The following BCKDHB variants were observed in gnomAD, a reference collection of about 807,000 sequenced individuals.
The protein encoded by BCKDHB is 2-oxoisovalerate dehydrogenase subunit beta, mitochondrial.
In BCKDHB, 41 loss-of-function variants were observed where a neutral mutation model predicts 48.5. That is an observed-to-expected ratio of 0.85 (90% CI 0.66 to 1.10). The LOEUF (loss-of-function observed/expected upper bound fraction) is 1.10, where lower values mean the gene tolerates loss of function less well. Among genes scored for constraint, BCKDHB ranks in the 50% least tolerant of loss-of-function variants. The pLI, the probability that BCKDHB is intolerant of heterozygous loss-of-function variation, is 0.00. For missense variants in BCKDHB, 496 were observed against 494.2 expected (o/e 1.00, Z -0.03); for synonymous variants, 201 against 174.8 (o/e 1.15, Z -1.18).
the BCKDHB span, among the ~76,000 whole-genome samples, chr6:80,403,297 T>C: frequency 6.6e-6 from 1 of 151,850 alleles, no homozygotes; most frequent in Non-Finnish European, 1.5e-5. Context: ...TTTTTCAGCA[T>C]ACAGATCTTA....
chr6:80,311,718 C>G (rs1466276502), intron 9 of BCKDHB, among the ~76,000 whole-genome samples: 5 of 152,084 alleles, frequency 3.3e-5, no homozygotes, highest in East Asian at 1.9e-4. Flanking sequence ...TCAGGTTCAT[C>G]AAAGATCAAA....
In BCKDHB at chr6:80,161,761, C is replaced by G. The variant is rs2476825; in HGVS notation, c.344-5917C>G. Reference sequence around the variant, plus strand: ...AGCTTTTCATTCTTACAGCCATACTCTTGTCATTAGCAATAACAGTGGTCT... The same window carrying G: ...AGCTTTTCATTCTTACAGCCATACTGTTGTCATTAGCAATAACAGTGGTCT... On this transcript the variant is annotated intron_variant, in intron 3 of 9. Coordinates refer to ENST00000320393, the MANE Select transcript of BCKDHB (RefSeq NM_183050.4). Among the ~76,000 whole-genome samples the G allele has an allele frequency of 8.9e-3, 1,352 of 152,312 alleles. 24 individuals carry two copies. The highest frequency in any genetic ancestry group is 0.031 in the African/African-American group (1,270 of 41,554).
chr6:80,431,890 G>T, the BCKDHB span, among the ~76,000 whole-genome samples: 3 of 152,164 alleles, frequency 2.0e-5, no homozygotes, highest in Admixed American at 1.3e-4. Flanking sequence ...CAGGACTGAT[G>T]GTGACAAAAT....
intron 9 of BCKDHB, among the ~76,000 whole-genome samples, chr6:80,284,320 A>T (rs1766521709): frequency 6.6e-6 from 1 of 152,280 alleles, no homozygotes; most frequent in Admixed American, 6.5e-5. Flanking sequence ...ACTTACTGCA[A>T]AAACAAGAAT....
intron 8 of BCKDHB, among the ~76,000 whole-genome samples, chr6:80,208,052 C>A (rs1451802787): frequency 4.6e-5 from 7 of 151,690 alleles, no homozygotes; most frequent in Non-Finnish European, 1.0e-4. Context: ...GAATATGTAG[C>A]ATTTGTCAAA....
At chr6:80,274,805 A>G (rs1777902476) in intron 9 of BCKDHB, among the ~76,000 whole-genome samples, 2 of 151,972 alleles carry the variant, frequency 1.3e-5, no homozygotes, top group African/African-American at 4.8e-5. Flanking sequence ...TTAGATTGGA[A>G]TAGAATTAGA....
At chr6:80,308,609 T>A (rs550747427) in intron 9 of BCKDHB, among the ~76,000 whole-genome samples, 1 of 151,542 alleles carries the variant, frequency 6.6e-6, no homozygotes, top group East Asian at 1.9e-4. Flanking sequence ...TTTTTTTTTT[T>A]TTTGAGACGG....
At chr6:80,249,282 C>T (rs1449178476) in intron 8 of BCKDHB, among the ~76,000 whole-genome samples, 1 of 151,952 alleles carries the variant, frequency 6.6e-6, no homozygotes, top group East Asian at 1.9e-4. Context: ...AATTTATTTA[C>T]AGCATTTTGG....
At chr6:80,186,902 A>G (rs1773668083) in intron 6 of BCKDHB, among the ~76,000 whole-genome samples, 1 of 152,188 alleles carries the variant, frequency 6.6e-6, no homozygotes, top group Admixed American at 6.5e-5. Context: ...CCCAGTGGGG[A>G]TGTCTGTTCA....
the BCKDHB span, among the ~76,000 whole-genome samples, chr6:80,432,616 G>A: frequency 2.0e-5 from 3 of 152,168 alleles, no homozygotes; most frequent in South Asian, 4.1e-4. Context: ...TTTGCATTGG[G>A]TTAGACATGC....
intron 3 of BCKDHB, among the ~76,000 whole-genome samples, chr6:80,158,375 CT>C (rs1232111609): frequency 7.9e-5 from 12 of 152,136 alleles, no homozygotes; most frequent in Admixed American, 6.5e-4. Context: ...AGGGTAGAAT[CT>C]GTAGGACAAG....
At chr6:80,451,508 C>T in the BCKDHB span, among the ~76,000 whole-genome samples, 2 of 152,004 alleles carry the variant, frequency 1.3e-5, no homozygotes, top group East Asian at 1.9e-4. Flanking sequence ...GAGGCCTAGG[C>T]GGGTGGACCA....
At chr6:80,221,021 C>T (rs1775425080) in intron 8 of BCKDHB, among the ~76,000 whole-genome samples, 1 of 152,116 alleles carries the variant, frequency 6.6e-6, no homozygotes, top group African/African-American at 2.4e-5. Flanking sequence ...GTGTGAGCCA[C>T]CGCACCTGGC....
intron 3 of BCKDHB, among the ~76,000 whole-genome samples, chr6:80,140,024 C>A (rs1322823625): frequency 6.6e-6 from 1 of 152,128 alleles, no homozygotes; most frequent in Non-Finnish European, 1.5e-5. Flanking sequence ...CTTCACTTCC[C>A]TTGTAAGGTG....
At chr6:80,404,129 TAA>T in the BCKDHB span, among the ~76,000 whole-genome samples, 2,446 of 152,090 alleles carry the variant, frequency 0.016, 78 homozygotes, top group African/African-American at 0.055. Flanking sequence ...CTAATTTTTT[TAA>T]AGAGTTTGAG....
At chr6:80,353,769 C>T in the BCKDHB span, among the ~76,000 whole-genome samples, 1 of 152,256 alleles carries the variant, frequency 6.6e-6, no homozygotes, top group African/African-American at 2.4e-5. Context: ...AGGAGAATCA[C>T]TTGAACCCGG....
At chr6:80,216,098 A>T (rs1775159487) in intron 8 of BCKDHB, among the ~76,000 whole-genome samples, 1 of 152,152 alleles carries the variant, frequency 6.6e-6, no homozygotes, top group Non-Finnish European at 1.5e-5. Context: ...AAAAGTTAAA[A>T]CTACATATGT....
At chr6:80,143,287 G>C (rs776083950) in intron 3 of BCKDHB, among the ~76,000 whole-genome samples, 6 of 152,130 alleles carry the variant, frequency 3.9e-5, no homozygotes, top group Admixed American at 6.6e-5. Flanking sequence ...ACTGTCTCAG[G>C]AAGTTTGAAT....
intron 7 of BCKDHB, among the ~76,000 whole-genome samples, chr6:80,201,322 G>T (rs199524480): frequency 1.3e-5 from 2 of 152,162 alleles, no homozygotes; most frequent in East Asian, 3.9e-4. Flanking sequence ...TTACTATTTT[G>T]TGTGTGGGGG....
Sources: gnomAD v4.1 joint callset for allele counts (sites outside exome capture counted in the v4.1 genomes callset) on GRCh38, gnomAD v4.1.1 for gene constraint, MANE v1.5 for transcripts, NCBI Gene and HGNC (gene_info 2026-07-23, HGNC 2026-07-21) for gene names.